ZCCHC7: variants seen among roughly 807,000 people sequenced by gnomAD.
The protein encoded by ZCCHC7 is zinc finger CCHC-type containing 7.
A neutral mutation model predicts 52.0 loss-of-function variants in ZCCHC7; 35 were observed. That is an observed-to-expected ratio of 0.67 (90% CI 0.51 to 0.89). The LOEUF (loss-of-function observed/expected upper bound fraction) is 0.89. ZCCHC7 is among the 40% of genes least tolerant of loss of function. The probability of loss-of-function intolerance (pLI) is 0.00; values close to 1 mark genes in which losing one functional copy is unlikely to be tolerated. For synonymous variants in ZCCHC7, 217 were observed against 221.5 expected (o/e 0.98, Z 0.18); for missense variants, 574 against 649.1 (o/e 0.88, Z 1.26).
intron 6 of ZCCHC7, among the ~76,000 whole-genome samples, chr9:37,328,778 CCTGT>C (rs1245414061): frequency 1.3e-5 from 2 of 151,942 alleles, no homozygotes; most frequent in African/African-American, 4.8e-5. Context: ...ACTCAAACTA[CCTGT>C]CTGTCTGTCA....
chr9:37,224,799 C>T (rs982373480), intron 2 of ZCCHC7, among the ~76,000 whole-genome samples: 4 of 152,150 alleles, frequency 2.6e-5, no homozygotes, highest in Non-Finnish European at 4.4e-5. Flanking sequence ...CTCAATGAAC[C>T]TCTTGAGAGT....
intron 2 of ZCCHC7, among the ~76,000 whole-genome samples, chr9:37,207,497 GTTT>G (rs3074709): frequency 8.5e-4 from 80 of 94,094 alleles, no homozygotes; most frequent in African/African-American, 1.9e-3. Context: ...TTTCTCCAGA[GTTT>G]TTTTTTTTTT....
At chr9:37,238,634 C>T (rs576137262) in intron 2 of ZCCHC7, among the ~76,000 whole-genome samples, 150 of 151,926 alleles carry the variant, frequency 9.9e-4, no homozygotes, top group African/African-American at 3.2e-3. Context: ...AATTTGGTTT[C>T]GATTTTGCTT....
chr9:37,333,058 G>T (rs1830512559), intron 6 of ZCCHC7, among the ~76,000 whole-genome samples: 1 of 151,572 alleles, frequency 6.6e-6, no homozygotes, highest in African/African-American at 2.4e-5. Flanking sequence ...GTATTTTAAT[G>T]CAAATACTAA....
intron 2 of ZCCHC7, among the ~76,000 whole-genome samples, chr9:37,205,707 G>A (rs1823869410): frequency 6.6e-6 from 1 of 152,108 alleles, no homozygotes; most frequent in Non-Finnish European, 1.5e-5. Flanking sequence ...TAGTAGAGAT[G>A]GGGTTTCACC....
chr9:37,155,048 A>G (rs908010974), intron 2 of ZCCHC7, among the ~76,000 whole-genome samples: 1 of 152,072 alleles, frequency 6.6e-6, no homozygotes, highest in Admixed American at 6.6e-5. Flanking sequence ...TTCTGGCTAC[A>G]CTGGTTATTG....
intron 8 of ZCCHC7, among the ~76,000 whole-genome samples, chr9:37,356,569 A>G (rs1217542339): frequency 6.6e-6 from 1 of 152,222 alleles, no homozygotes; most frequent in Non-Finnish European, 1.5e-5. Context: ...TAAGATGATT[A>G]CTGTTCTTAC....
intron 2 of ZCCHC7, among the ~76,000 whole-genome samples, chr9:37,232,948 A>G (rs1272221769): frequency 1.3e-5 from 2 of 152,172 alleles, no homozygotes; most frequent in Non-Finnish European, 2.9e-5. Flanking sequence ...TTCGTGTTTT[A>G]TATTGACCAA....
chr9:37,228,651 G>C (rs1048780921), intron 2 of ZCCHC7, among the ~76,000 whole-genome samples: 2 of 151,862 alleles, frequency 1.3e-5, no homozygotes, highest in African/African-American at 4.8e-5. Flanking sequence ...TTACTGGTGT[G>C]AGCCCCTGTT....
intron 2 of ZCCHC7, among the ~76,000 whole-genome samples, chr9:37,151,831 G>A (rs1820547998): frequency 2.0e-5 from 3 of 152,008 alleles, no homozygotes; most frequent in South Asian, 2.1e-4. Flanking sequence ...TTTTTTCTTC[G>A]ACTCTAAGAT....
intron 2 of ZCCHC7, among the ~76,000 whole-genome samples, chr9:37,160,742 C>T (rs969444671): frequency 3.3e-5 from 5 of 151,868 alleles, no homozygotes; most frequent in African/African-American, 4.8e-5. Context: ...AAAAATTAGC[C>T]GGGTGTAGTA....
chr9:37,137,794 C>A (rs1843060980), intron 2 of ZCCHC7, among the ~76,000 whole-genome samples: 1 of 152,138 alleles, frequency 6.6e-6, no homozygotes, highest in African/African-American at 2.4e-5. Flanking sequence ...AGTTTGGAAA[C>A]AATACATTAA....
intron 2 of ZCCHC7, among the ~76,000 whole-genome samples, chr9:37,218,918 C>T (rs866204593): frequency 3.3e-5 from 5 of 150,736 alleles, no homozygotes; most frequent in South Asian, 2.1e-4. Flanking sequence ...TCTTTTTTCT[C>T]CTTCCCTGCT....
chr9:37,164,499 A>AGATAGATAGACG (rs1246825286), intron 2 of ZCCHC7, among the ~76,000 whole-genome samples: 1 of 137,458 alleles, frequency 7.3e-6, no homozygotes, highest in African/African-American at 2.8e-5. Flanking sequence ...ATAGATAGAT[A>AGATAGATAGACG]GACAGACAAG....
chr9:37,162,223 T>C (rs1227639819), intron 2 of ZCCHC7, among the ~76,000 whole-genome samples: 2 of 152,042 alleles, frequency 1.3e-5, no homozygotes, highest in African/African-American at 4.8e-5. Flanking sequence ...ATACATAATA[T>C]ACTATAGTAT....
At chr9:37,258,626 TA>T (rs1352708874) in intron 2 of ZCCHC7, among the ~76,000 whole-genome samples, 9 of 151,554 alleles carry the variant, frequency 5.9e-5, no homozygotes, top group African/African-American at 2.2e-4. Flanking sequence ...CACATGCCGG[TA>T]GTCCCAGCTA....
intron 5 of ZCCHC7, among the ~76,000 whole-genome samples, chr9:37,316,208 C>A (rs986218048): frequency 1.3e-5 from 2 of 151,980 alleles, no homozygotes; most frequent in Non-Finnish European, 2.9e-5. Flanking sequence ...TACAGGCACG[C>A]ACTACAATGC....
At chr9:37,349,628 CAG>C (rs1209327830) in intron 7 of ZCCHC7, among the ~76,000 whole-genome samples, 176 bp downstream of exon 7, 1 of 152,136 alleles carries the variant, frequency 6.6e-6, no homozygotes, top group Non-Finnish European at 1.5e-5. Flanking sequence ...AACAAGCTAT[CAG>C]AGCATATTCC....
At position 37,357,111 on chromosome 9, in the gene ZCCHC7, C is replaced by T; in HGVS notation, c.1475C>T (p.Ser492Phe). ...GGCAGTTTTAAAACCCAGAAGCCTT[C>T]TAAGCCCTTTCACCGTTCATCACAT... Reference protein sequence around the residue: ...SPGSFKTQKPSKPFHRSSHYH... With the variant: ...SPGSFKTQKPFKPFHRSSHYH... The change falls in exon 9 of 9, where the codon TCT becomes TTT. Residue 492 changes from serine to phenylalanine, a missense_variant. Around this residue, in one of 3 missense-constraint regions of ZCCHC7, gnomAD observed 168 missense variants for 171.6 expected, o/e 0.98. Transcript: ENST00000336755. 1 of 1,613,794 alleles carries T rather than the reference C, an allele frequency of 6.2e-7. No homozygotes were observed. Among genetic ancestry groups the T allele is most frequent in the Non-Finnish European group, 8.5e-7 (1 of 1,179,956 alleles).
Sources: gnomAD v4.1 joint callset for allele counts (sites outside exome capture counted in the v4.1 genomes callset) on GRCh38, gnomAD v4.1.1 for gene constraint, gnomAD v4.1.1 regional missense constraint, MANE v1.5 for transcripts, NCBI Gene and HGNC (gene_info 2026-07-23, HGNC 2026-07-21) for gene names.